ZFYVE27: variants seen among roughly 807,000 people sequenced by gnomAD.
ZFYVE27 encodes the protein zinc finger FYVE-type containing 27, also known as protrudin.
A neutral mutation model predicts 52.8 loss-of-function variants in ZFYVE27; 36 were observed. The observed-to-expected ratio is 0.68, with a 90% CI of 0.52 to 0.90. The LOEUF (loss-of-function observed/expected upper bound fraction) is 0.90. Ranked by LOEUF, ZFYVE27 falls within the 40% of genes least tolerant of loss-of-function variation. The pLI, the probability that ZFYVE27 is intolerant of heterozygous loss-of-function variation, is 0.00. For missense variants in ZFYVE27, 450 were observed against 527.2 expected (o/e 0.85, Z 1.43); for synonymous variants, 223 against 215.6 (o/e 1.03, Z -0.30).
At chr10:97,738,356 G>A (rs2042678334) in intron 1 of ZFYVE27, 121 bp from the exon 2 acceptor site, 7 of 1,045,008 alleles carry the variant, frequency 6.7e-6, no homozygotes, top group Non-Finnish European at 1.0e-5. Flanking sequence ...AGGATTTTAG[G>A]TCTGAATAGT....
intron 10 of ZFYVE27, 106 bp from the exon 11 acceptor site, chr10:97,757,146 TGTGTCCAGCCAAG>T (rs1470493622): frequency 1.2e-4 from 168 of 1,424,040 alleles, no homozygotes; most frequent in Non-Finnish European, 1.5e-4. Context: ...CCTGGCTCAC[TGTGTCCAGCCAAG>T]GAGGCTGGGC....
intron 6 of ZFYVE27, among the ~76,000 whole-genome samples, 161 bp downstream of exon 6, chr10:97,749,747 A>G (rs1032020326): frequency 1.3e-5 from 2 of 152,190 alleles, no homozygotes; most frequent in African/African-American, 4.8e-5. Flanking sequence ...CATCTCTGAG[A>G]TGTTAGATGA....
rs767818597 is a variant in ZFYVE27, at chr10:97,744,861, A to C, written c.401A>C (p.Asp134Ala). 1.9e-6 allele frequency: 3 copies of C among 1,611,824 alleles called. No homozygotes were observed. Among genetic ancestry groups the C allele is most frequent in the South Asian group, 2.2e-5 (2 of 90,600 alleles). Residue 134 changes from aspartate to alanine, a missense_variant, in exon 4 of 13, where the codon GAC becomes GCC. By Grantham distance (126) the Asp-to-Ala change is moderately radical. Transcript: ENST00000684270. ...RRKYHSVRQE[D>A]LQRGRLSRPE... ...AAGTATCATAGCGTGAGGCAGGAGG[A>C]CCTGCAGAGAGGTCGCCTGTCTCGT...
At chr10:97,750,662 G>A (rs2046702537) in intron 7 of ZFYVE27, among the ~76,000 whole-genome samples, 192 bp downstream of exon 7, 1 of 152,042 alleles carries the variant, frequency 6.6e-6, no homozygotes, top group Non-Finnish European at 1.5e-5. Flanking sequence ...TGCTTACCCT[G>A]TGTCAGATGC....
chr10:97,749,934 C>CA (rs2046484647), intron 6 of ZFYVE27: 1 of 419,098 alleles, frequency 2.4e-6, no homozygotes, highest in African/African-American at 2.0e-5. Context: ...GAGTTGCTAC[C>CA]ACATCTCTGT....
chr10:97,751,580 T>G, intron 8 of ZFYVE27, 118 bp downstream of exon 8: 1 of 976,112 alleles, frequency 1.0e-6, no homozygotes, highest in Non-Finnish European at 1.6e-6. Context: ...TGCTGTGAGC[T>G]AGAACTCACT....
At chr10:97,745,150 CTGTT>C (rs66527270) in intron 4 of ZFYVE27, among the ~76,000 whole-genome samples, 104,340 of 151,426 alleles carry the variant, frequency 0.69, 36,243 homozygotes, top group Middle Eastern at 0.77. Flanking sequence ...CTCGATCTAG[CTGTT>C]TGTTTTCACA....
Position 97,744,743 on chromosome 10 carries a change from G to A in ZFYVE27, c.283G>A (p.Val95Ile). ...TGATTCTGCAGGTGCATGGTACTCA[G>A]TAGGTGCCCTGATGATTTCAGTGCC... ...LTLNEGAWYS[V>I]GALMISVPAL... Residue 95 changes from valine (V) to isoleucine (I), a missense_variant, in exon 4 of 13, where the codon GTA (valine) becomes ATA (isoleucine). Coordinates refer to ENST00000684270, the MANE Select transcript of ZFYVE27 (RefSeq NM_001385875.1). 2 of 1,613,804 alleles carry A rather than the reference G, an allele frequency of 1.2e-6. No individual in the cohort carries two copies. Among genetic ancestry groups the A allele is most frequent in the South Asian group, 2.2e-5 (2 of 91,048 alleles).
At chr10:97,755,994 T>C (rs1449043112) in intron 10 of ZFYVE27, among the ~76,000 whole-genome samples, 1 of 152,140 alleles carries the variant, frequency 6.6e-6, no homozygotes, top group African/African-American at 2.4e-5. Flanking sequence ...CTGGCTCCGG[T>C]CTGTGAGTGG....
chr10:97,738,292 T>C (rs1380820013), intron 1 of ZFYVE27, among the ~76,000 whole-genome samples, 185 bp from the exon 2 acceptor site: 1 of 152,188 alleles, frequency 6.6e-6, no homozygotes, highest in Non-Finnish European at 1.5e-5. Context: ...TTTATGATTT[T>C]TAGTTTTGAT....
At chr10:97,749,660 G>C in intron 6 of ZFYVE27, 74 bp downstream of exon 6, 1 of 1,194,438 alleles carries the variant, frequency 8.4e-7, no homozygotes, top group Non-Finnish European at 1.3e-6. Context: ...CAGTTCTTCT[G>C]TCTCTACAGC....
chr10:97,748,146 T>C, intron 4 of ZFYVE27, 123 bp from the exon 5 acceptor site: 1 of 920,548 alleles, frequency 1.1e-6, no homozygotes, highest in South Asian at 1.4e-5. Context: ...CCTCTCTCTT[T>C]AAGCACATGG....
rs769180882 is a variant in ZFYVE27, at chr10:97,748,298, G to A, written c.485G>A (p.Arg162His). ...ATCCAGCTGGAGGCCTTCCTGAGCC[G>A]CCTGTGCTGCACATGTGAAGCCGCC... ...FLIQLEAFLSRLCCTCEAAYR... is the reference protein window; with the variant it reads ...FLIQLEAFLSHLCCTCEAAYR... Residue 162 changes from arginine (R) to histidine (H), a missense_variant, in exon 5 of 13, where the codon CGC becomes CAC. Physicochemically the swap from Arg to His is conservative, Grantham distance 29. Transcript: ENST00000684270. 7 of 1,614,060 alleles carry A rather than the reference G, an allele frequency of 4.3e-6. No individual in the cohort carries two copies. Among genetic ancestry groups the A allele is most frequent in the South Asian group, 2.2e-5 (2 of 91,082 alleles).
At chr10:97,741,434 A>G (rs1397973696) in intron 2 of ZFYVE27, among the ~76,000 whole-genome samples, 1 of 152,220 alleles carries the variant, frequency 6.6e-6, no homozygotes, top group African/African-American at 2.4e-5. Context: ...ATGTGCAGCC[A>G]TGAAAAAGGA....
rs139931140 is a variant in ZFYVE27 at position 97,743,125 on chromosome 10, T to C, written c.229T>C (p.Cys77Arg). 8.1e-6 allele frequency: 13 copies of C among 1,614,120 alleles called. No individual in the cohort carries two copies. The African/African-American group carries it at 1.6e-4, about 20-fold the overall frequency. The stretch of plus-strand genomic sequence containing the variant: ...GATGCCTTTGTGTTCCTTGCTGACC[T>C]GCCTGGGCCTCAACGTCTTGTTCCT... The part of the protein sequence containing the change: ...WQMPLCSLLT[C>R]LGLNVLFLTL... Residue 77 changes from cysteine (C) to arginine (R), a missense_variant, in exon 3 of 13, where the codon TGC (cysteine) becomes CGC (arginine). Coordinates refer to ENST00000684270, the MANE Select transcript of ZFYVE27 (RefSeq NM_001385875.1).
chr10:97,742,101 G>C (rs1437262933), intron 2 of ZFYVE27, among the ~76,000 whole-genome samples: 2 of 148,510 alleles, frequency 1.3e-5, no homozygotes, highest in Non-Finnish European at 3.0e-5. Context: ...CTGCACTCTA[G>C]TCTGGGCAAC....
At chr10:97,739,761 T>C (rs1002206522) in intron 2 of ZFYVE27, among the ~76,000 whole-genome samples, 7 of 152,212 alleles carry the variant, frequency 4.6e-5, no homozygotes, top group Admixed American at 2.0e-4. Flanking sequence ...ATTGATTTGC[T>C]GAAGAGACTG....
intron 11 of ZFYVE27, among the ~76,000 whole-genome samples, 156 bp from the exon 12 acceptor site, chr10:97,757,486 C>T (rs1172805230): frequency 6.6e-6 from 1 of 152,166 alleles, no homozygotes; most frequent in Non-Finnish European, 1.5e-5. Context: ...CCAGCCTCCC[C>T]AGGGGGTATT....
At position 97,744,844 on chromosome 10, in the gene ZFYVE27, T is replaced by C. The variant is rs773771383; in HGVS notation, c.384T>C (p.His128=). ...CCGAGCTGATGCGGAGGAAGTATCA[T>C]AGCGTGAGGCAGGAGGACCTGCAGA... ...PDSELMRRKY[H]SVRQEDLQRG... is the part of the protein sequence containing the mutation. The change falls in exon 4 of 13, where the codon CAT becomes CAC. Residue 128 remains histidine (H), a synonymous_variant. Transcript: ENST00000684270. 2 of 1,613,362 alleles carry C rather than the reference T, an allele frequency of 1.2e-6. No homozygotes were observed. Among genetic ancestry groups the C allele is most frequent in the South Asian group, 2.2e-5 (2 of 90,866 alleles).
Sources: allele counts gnomAD v4.1 joint callset (sites outside exome capture counted in the v4.1 genomes callset), GRCh38; gene constraint gnomAD v4.1.1; transcripts MANE v1.5; gene names NCBI Gene and HGNC (gene_info 2026-07-23, HGNC 2026-07-21).